The following IQCB1 variants were observed in gnomAD, a reference collection of about 807,000 sequenced individuals.
IQCB1 encodes IQ motif containing B1.
IQCB1 carries 56 observed loss-of-function variants against 84.4 expected under a neutral mutation model. The ratio of observed to expected loss-of-function variants is 0.66; its 90% CI spans 0.54 to 0.83. The LOEUF is 0.83. Among genes scored for constraint, IQCB1 ranks in the 40% least tolerant of loss-of-function variants. IQCB1 has a pLI of 0.00. For synonymous variants in IQCB1, 210 were observed against 234.8 expected, an observed-to-expected ratio of 0.89 and a Z score of 0.96; for missense variants, 629 against 682.1, an observed-to-expected ratio of 0.92 and a Z score of 0.87.
rs1708146035 is a variant in IQCB1, at chr3:121,834,483, T to TGAGGAAAATAAATGAA, written c.-101-20_-101-5dup. 1 of 152,186 alleles carries TGAGGAAAATAAATGAA rather than the reference T, an allele frequency of 6.6e-6. No homozygotes were observed. Among genetic ancestry groups the TGAGGAAAATAAATGAA allele is most frequent in the Non-Finnish European group, 1.5e-5 (1 of 68,060 alleles). 9.4% of individuals were successfully genotyped at this position (152,186 alleles called of 1,614,324 possible). A position where few individuals can be genotyped will look rare whatever the true frequency, so the allele number is the denominator to read the frequency against. On this transcript the variant is annotated splice_region_variant and splice_polypyrimidine_tract_variant and intron_variant, in intron 1 of 14. Coordinates refer to ENST00000310864, the MANE Select transcript of IQCB1 (RefSeq NM_001023570.4). ...CTGTTACTGCCTCCACGGATCACTGTGAGGAAAATAAATGAAAAGGAAATT... is the reference window on the plus strand; with the variant it reads ...CTGTTACTGCCTCCACGGATCACTGTGAGGAAAATAAATGAAGAGGAAAATAAATGAAAAGGAAATT...
chr3:121,818,286 T>G (rs1335602874), intron 5 of IQCB1, among the ~76,000 whole-genome samples: 2 of 152,246 alleles, frequency 1.3e-5, no homozygotes, highest in Non-Finnish European at 2.9e-5. Flanking sequence ...ATAGTTTGCA[T>G]ATTAATATAA....
intron 10 of IQCB1, 65 bp downstream of exon 10, chr3:121,795,392 A>T (rs1412987957): frequency 1.1e-6 from 1 of 891,798 alleles, no homozygotes; most frequent in Non-Finnish European, 1.9e-6. Flanking sequence ...AATCACCTAA[A>T]TTTCAATTCA....
intron 12 of IQCB1, among the ~76,000 whole-genome samples, chr3:121,786,170 C>CAAGAA: frequency 6.9e-5 from 5 of 72,876 alleles, no homozygotes; most frequent in South Asian, 6.1e-4. Context: ...GATTCTGTCT[C>CAAGAA]AAAAGAAAAG....
At chr3:121,803,666 T>C (rs1041109450) in intron 7 of IQCB1, among the ~76,000 whole-genome samples, 2 of 152,218 alleles carry the variant, frequency 1.3e-5, no homozygotes, top group African/African-American at 4.8e-5. Flanking sequence ...CACATCCTTT[T>C]GATGAACTGA....
chr3:121,818,286 T>C (rs1335602874), intron 5 of IQCB1, among the ~76,000 whole-genome samples: 2 of 152,246 alleles, frequency 1.3e-5, no homozygotes, highest in African/African-American at 2.4e-5. Flanking sequence ...ATAGTTTGCA[T>C]ATTAATATAA....
At chr3:121,795,155 T>A (rs1559770291) in intron 10 of IQCB1, among the ~76,000 whole-genome samples, 1 of 152,100 alleles carries the variant, frequency 6.6e-6, no homozygotes, top group Non-Finnish European at 1.5e-5. Context: ...TTATGATAAC[T>A]GTTGGTTTAG....
intron 5 of IQCB1, among the ~76,000 whole-genome samples, chr3:121,817,656 T>G (rs922907131): frequency 6.6e-6 from 1 of 151,908 alleles, no homozygotes; most frequent in African/African-American, 2.4e-5. Flanking sequence ...GTGTCTATTC[T>G]TTATATACTC....
In IQCB1 at chr3:121,795,537, T is replaced by A. The variant is rs751254380; in HGVS notation, c.906A>T (p.Gln302His). ...TTGTCTGAAAACCCTTCCAATAGGC[T>A]TGAATCAAGCATGCTGCTTGATGTA... ...QKLHQAACLIQAYWKGFQTRK... is the reference protein window; with the variant it reads ...QKLHQAACLIHAYWKGFQTRK... Residue 302 changes from glutamine (Q) to histidine (H), a missense_variant, in exon 10 of 15, where the codon CAA (glutamine) becomes CAT (histidine). Transcript: ENST00000310864. 2 of 1,603,486 alleles carry A rather than the reference T, an allele frequency of 1.2e-6. No homozygotes were observed.
chr3:121,802,016 T>C (rs535645988), intron 7 of IQCB1, among the ~76,000 whole-genome samples: 63 of 152,046 alleles, frequency 4.1e-4, no homozygotes, highest in Non-Finnish European at 8.2e-4. Flanking sequence ...CTTTTTAATA[T>C]ATTGTTGAAT....
At chr3:121,828,802 C>T in intron 3 of IQCB1, 59 bp downstream of exon 3, 2 of 1,141,890 alleles carry the variant, frequency 1.8e-6, no homozygotes, top group South Asian at 1.2e-5. Flanking sequence ...TAAAATTGTA[C>T]CAACGATGGA....
intron 9 of IQCB1, among the ~76,000 whole-genome samples, chr3:121,796,295 T>G (rs1447466963): frequency 6.6e-6 from 1 of 152,096 alleles, no homozygotes; most frequent in Non-Finnish European, 1.5e-5. Flanking sequence ...GGACTTATTT[T>G]CATGGTTTCT....
At position 121,791,269 on chromosome 3, in the gene IQCB1, TG is replaced by T. The variant is rs370898637; in HGVS notation, c.987-1055del. Reference sequence around the variant, plus strand: ...AAATGTGGTACCTTGGCTATAGCTTTGTACTCTTAATAGTCAGACTTCATTA... The same window carrying T: ...AAATGTGGTACCTTGGCTATAGCTTTTACTCTTAATAGTCAGACTTCATTA... On this transcript the variant is annotated intron_variant, in intron 10 of 14. Coordinates refer to ENST00000310864, the MANE Select transcript of IQCB1 (RefSeq NM_001023570.4). Among the ~76,000 whole-genome samples the T allele has an allele frequency of 4.9e-4, 75 of 152,344 alleles. No homozygotes were observed. The South Asian group carries it at 0.014, about 29-fold the overall frequency.
At chr3:121,820,826 A>T (rs1393971786) in intron 5 of IQCB1, among the ~76,000 whole-genome samples, 7 of 151,412 alleles carry the variant, frequency 4.6e-5, no homozygotes, top group Non-Finnish European at 1.0e-4. Flanking sequence ...AGTCATAGTG[A>T]GTCAAGACAC....
At chr3:121,830,916 G>A (rs570451555) in intron 2 of IQCB1, among the ~76,000 whole-genome samples, 9 of 152,210 alleles carry the variant, frequency 5.9e-5, no homozygotes, top group Non-Finnish European at 1.3e-4. Flanking sequence ...GCCTTGCTGG[G>A]TTTCCCCACT....
rs117066827 is a variant in IQCB1 at position 121,786,350 on chromosome 3, G to A, written c.1278+1934C>T. On this transcript the variant is annotated intron_variant, in intron 12 of 14. Coordinates refer to ENST00000310864, the MANE Select transcript of IQCB1 (RefSeq NM_001023570.4). ...TTTTCCTTCTTTGAAAGTAATTCTT[G>A]GCCAGGCATGGTGGTTCATGCCTAT... is the stretch of plus-strand genomic sequence containing the variant. Among the ~76,000 whole-genome samples, 4 of 148,230 alleles carry A rather than the reference G, an allele frequency of 2.7e-5. No individual in the cohort carries two copies. In the East Asian group the frequency reaches 7.9e-4, roughly 29 times the overall value.
chr3:121,799,226 T>C lies in IQCB1; in HGVS notation c.736A>G (p.Ile246Val). 1 of 1,610,508 alleles carries C rather than the reference T, an allele frequency of 6.2e-7. No homozygotes were observed. The highest frequency in any genetic ancestry group is 8.5e-7 in the Non-Finnish European group (1 of 1,177,958). ...LMAESHQEIL[I>V]LLRQSTCYKG... ...TAGCAGGTACTTTGTCTCAGTAAAATCAAAATTTCCTGATGGGATTCAGCC... is the reference window on the plus strand; with the variant it reads ...TAGCAGGTACTTTGTCTCAGTAAAACCAAAATTTCCTGATGGGATTCAGCC... The change falls in exon 8 of 15, where the codon ATT becomes GTT. Residue 246 changes from isoleucine to valine, a missense_variant. Physicochemically the swap from Ile to Val is conservative, Grantham distance 29 (BLOSUM62 3). Transcript: ENST00000310864.
chr3:121,775,660 T>C (rs186550942), intron 13 of IQCB1, among the ~76,000 whole-genome samples: 1 of 152,324 alleles, frequency 6.6e-6, no homozygotes, highest in African/African-American at 2.4e-5. Context: ...CCATGTTTTA[T>C]TGGTGGCCAG....
chr3:121,832,002 T>C (rs1341164875), intron 2 of IQCB1, among the ~76,000 whole-genome samples: 1 of 152,226 alleles, frequency 6.6e-6, no homozygotes, highest in African/African-American at 2.4e-5. Flanking sequence ...CTGTATGCTA[T>C]TACAAGCAAC....
At position 121,795,610 on chromosome 3, in the gene IQCB1, TTA is replaced by T. The variant is rs1949155129; in HGVS notation, c.877-46_877-45del. 3.9e-5 allele frequency: 40 copies of T among 1,025,128 alleles called. No individual in the cohort carries two copies. The African/African-American group carries it at 4.7e-4, about 12-fold the overall frequency. 63.5% of individuals were successfully genotyped at this position (1,025,128 alleles called of 1,614,324 possible). On this transcript the variant is annotated intron_variant, in intron 9 of 14. Transcript: ENST00000310864. ...TTTAGAGATATCTCTAGGAAGGTCTTTAAAAAAAAAAAAAAGTTTACCTCTTA... is the reference window on the plus strand; with the variant it reads ...TTTAGAGATATCTCTAGGAAGGTCTTAAAAAAAAAAAAAGTTTACCTCTTA...
Sources: allele counts gnomAD v4.1 joint callset (sites outside exome capture counted in the v4.1 genomes callset), GRCh38; gene constraint gnomAD v4.1.1; transcripts MANE v1.5; gene names NCBI Gene and HGNC (gene_info 2026-07-23, HGNC 2026-07-21).